The following CAPN15 variants were observed in gnomAD, a reference collection of about 807,000 sequenced individuals.
CAPN15 encodes the protein calpain 15.
In CAPN15, 53 loss-of-function variants were observed where a neutral mutation model predicts 97.9. The observed-to-expected ratio is 0.54, with a 90% CI of 0.43 to 0.68. CAPN15 has a LOEUF of 0.68. CAPN15 is among the 30% of genes least tolerant of loss of function. The pLI, the probability that CAPN15 is intolerant of heterozygous loss-of-function variation, is 0.00. For missense variants in CAPN15, 1,592 were observed against 1,589.8 expected (o/e 1.00, Z -0.02); for synonymous variants, 922 against 722.5 (o/e 1.28, Z -4.43).
intron 3 of CAPN15, chr16:540,184 G>A (rs1450162535): frequency 5.1e-6 from 5 of 985,346 alleles, no homozygotes; most frequent in Non-Finnish European, 6.0e-6. Context: ...CGCCGGCCGG[G>A]GGGCCATGGG....
At position 549,828 on chromosome 16, in the gene CAPN15, A is replaced by G; in HGVS notation, c.2056A>G (p.Lys686Glu). 3 of 1,580,308 alleles carry G rather than the reference A, an allele frequency of 1.9e-6. No homozygotes were observed. The highest frequency in any genetic ancestry group is 2.6e-6 in the Non-Finnish European group (3 of 1,162,542). The stretch of plus-strand genomic sequence containing the variant: ...CATCTGGGCCAAAATGCTGAGTTCT[A>G]AGGAGGCTGGGTAAGAGGAGGGGCA... ...DLIWAKMLSS[K>E]EAGFLMGASC... Residue 686 changes from lysine (K) to glutamate (E), a missense_variant, in exon 7 of 14, where the codon AAG (lysine) becomes GAG (glutamate). Physicochemically the swap from Lys to Glu is moderately conservative, Grantham distance 56. Around this residue, in one of 3 missense-constraint regions of CAPN15, gnomAD observed 644 missense variants for 699.6 expected, o/e 0.92. Transcript: ENST00000219611.
intron 4 of CAPN15, 69 bp from the exon 5 acceptor site, chr16:548,924 G>C: frequency 1.4e-6 from 2 of 1,444,668 alleles, no homozygotes; most frequent in Non-Finnish European, 1.9e-6. Context: ...TCCTGGGTGG[G>C]GTCTTGTCCC....
chr16:534,176 T>A (rs1237051795), intron 2 of CAPN15, among the ~76,000 whole-genome samples, 178 bp downstream of exon 2: 1 of 29,656 alleles, frequency 3.4e-5, no homozygotes, highest in Non-Finnish European at 5.0e-5. Flanking sequence ...CTCCCAGCCG[T>A]TTGGGCCGTG....
rs531252167 is a variant in CAPN15, at chr16:552,144, G to C, written c.2439G>C (p.Val813=). Residue 813 remains valine (V), a synonymous_variant, in exon 10 of 14, where the codon GTG becomes GTC. Coordinates refer to ENST00000219611, the MANE Select transcript of CAPN15 (RefSeq NM_005632.3). The surrounding 1 kb of genome is among the most constrained non-coding windows in gnomAD (Gnocchi z 6.4). ...GCFPSSASAP[V]GVTALTVLER... is the part of the protein sequence containing the mutation. ...TTCCCAGCTCGGCCAGCGCGCCCGT[G>C]GGGGTAACAGCGCTCACGGTGCTGG... 7.1e-6 allele frequency: 11 copies of C among 1,547,178 alleles called. No homozygotes were observed. Among genetic ancestry groups the C allele is most frequent in the South Asian group, 1.2e-5 (1 of 83,830 alleles).
intron 9 of CAPN15, 64 bp from the exon 10 acceptor site, chr16:551,986 AG>A: frequency 6.7e-7 from 1 of 1,491,924 alleles, no homozygotes; most frequent in South Asian, 1.2e-5. Flanking sequence ...TGGTTGCGGT[AG>A]GCGCTGAGCC....
At chr16:544,914 G>A (rs565140184) in intron 3 of CAPN15, among the ~76,000 whole-genome samples, 18 of 139,230 alleles carry the variant, frequency 1.3e-4, no homozygotes, top group African/African-American at 3.6e-4. Context: ...CTCCCCTCAC[G>A]TCGTCTGCCC....
chr16:546,837 C>T lies in CAPN15; in HGVS notation c.-2C>T, dbSNP rs1218270868. The T allele has an allele frequency of 6.3e-7, 1 of 1,599,652 alleles. No individual in the cohort carries two copies. The highest frequency in any genetic ancestry group is 1.7e-5 in the Admixed American group (1 of 59,318). ...TGCAGCCACACCCACTCGCCCGGGT[C>T]TATGGCCACGGTCGGAGAGTGGTCC... On this transcript the variant is annotated 5_prime_UTR_variant, in exon 4 of 14. Coordinates refer to ENST00000219611, the MANE Select transcript of CAPN15 (RefSeq NM_005632.3).
chr16:542,669 C>T (rs1395626016), intron 3 of CAPN15, among the ~76,000 whole-genome samples: 2 of 152,118 alleles, frequency 1.3e-5, no homozygotes, highest in South Asian at 2.1e-4. Context: ...CTCACTGCAG[C>T]TTCTACTTCC....
chr16:529,986 C>G (rs1041754135), intron 1 of CAPN15, among the ~76,000 whole-genome samples: 5 of 152,226 alleles, frequency 3.3e-5, no homozygotes, highest in Non-Finnish European at 7.3e-5. Context: ...CCCTCTGACC[C>G]CTGGCACAGC....
Position 547,772 on chromosome 16 carries a change from G to T in CAPN15, c.934G>T (p.Ala312Ser). ...ATEGGTSRVE[A>S]GSSTSGSDII... is the part of the protein sequence containing the mutation. ...GGAGGGTGGCACCAGCCGCGTAGAGGCCGGCAGCTCCACCTCGGGCAGTGA... is the reference window on the plus strand; with the variant it reads ...GGAGGGTGGCACCAGCCGCGTAGAGTCCGGCAGCTCCACCTCGGGCAGTGA... Residue 312 changes from alanine (A) to serine (S), a missense_variant, in exon 4 of 14, where the codon GCC becomes TCC. Physicochemically the swap from Ala to Ser is moderately conservative, Grantham distance 99 (BLOSUM62 1). Transcript: ENST00000219611. The T allele has an allele frequency of 6.2e-7, 1 of 1,610,790 alleles. No homozygotes were observed. The highest frequency in any genetic ancestry group is 1.1e-5 in the South Asian group (1 of 90,914).
chr16:549,242 G>GGC, intron 5 of CAPN15, 41 bp downstream of exon 5: 3 of 298,884 alleles, frequency 1.0e-5, no homozygotes, highest in Admixed American at 4.7e-5. Flanking sequence ...GGGTGGGCGG[G>GGC]CGACCGGCCG....
chr16:543,750 C>G (rs1214670989), intron 3 of CAPN15, among the ~76,000 whole-genome samples: 1 of 152,218 alleles, frequency 6.6e-6, no homozygotes, highest in East Asian at 1.9e-4. Context: ...CGTGCATGCA[C>G]AGGCGACCCC....
chr16:531,764 A>T (rs1056409516), intron 1 of CAPN15, among the ~76,000 whole-genome samples: 2 of 151,738 alleles, frequency 1.3e-5, no homozygotes, highest in African/African-American at 4.9e-5. Flanking sequence ...ACGGCTCCCA[A>T]GGCCCCCGTC....
chr16:542,749 G>T (rs1407719304), intron 3 of CAPN15, among the ~76,000 whole-genome samples: 1 of 145,118 alleles, frequency 6.9e-6, no homozygotes. Flanking sequence ...CACCATAGCT[G>T]GTTAATTAGA....
chr16:539,497 C>T (rs553654353), intron 3 of CAPN15: 95 of 152,314 alleles, frequency 6.2e-4, no homozygotes, highest in Non-Finnish European at 1.1e-3. Context: ...CCCTGGACAG[C>T]CTGTGCCTCT....
chr16:551,414 G>A lies in CAPN15; in HGVS notation c.2179G>A (p.Val727Ile). 1 of 1,608,384 alleles carries A rather than the reference G, an allele frequency of 6.2e-7. No individual in the cohort carries two copies. The change falls in exon 8 of 14, where the codon GTC becomes ATC. Residue 727 changes from valine to isoleucine, a missense_variant. Around this residue, in one of 3 missense-constraint regions of CAPN15, gnomAD observed 644 missense variants for 699.6 expected, o/e 0.92. Transcript: ENST00000219611. ...HAYSILDVRD[V>I]QGTRLLRLRN... Reference sequence around the variant, plus strand: ...CTACTCCATCCTGGATGTCCGAGATGTCCAGGGCACCAGGTAGGGCCGGCC... The same window carrying A: ...CTACTCCATCCTGGATGTCCGAGATATCCAGGGCACCAGGTAGGGCCGGCC...
intron 1 of CAPN15, among the ~76,000 whole-genome samples, chr16:533,458 G>A (rs3826233): frequency 0.2 from 30,382 of 152,012 alleles, 4,240 homozygotes; most frequent in African/African-American, 0.39. Flanking sequence ...GCTGGGGTCC[G>A]GGGGAGTCTA....
In CAPN15 at chr16:540,534, G is replaced by T. The variant is rs76806256; in HGVS notation, c.-23+4392G>T. 6.8e-3 allele frequency among the ~76,000 whole-genome samples: 1,042 copies of T among 152,352 alleles called. 15 individuals carry two copies. Among genetic ancestry groups the T allele is most frequent in the African/African-American group, 0.023 (956 of 41,582 alleles). On this transcript the variant is annotated intron_variant, in intron 3 of 13. Transcript: ENST00000219611. ...GGGTGCAGGAGCTGAGCAGGTCTGAGACCCCGGCCTCGGCCTGGCTGGTTG... is the reference window on the plus strand; with the variant it reads ...GGGTGCAGGAGCTGAGCAGGTCTGATACCCCGGCCTCGGCCTGGCTGGTTG...
chr16:537,378 C>CGGGGCCTGGTA (rs2033807237), intron 3 of CAPN15: 3 of 985,458 alleles, frequency 3.0e-6, no homozygotes, highest in Non-Finnish European at 2.4e-6. Flanking sequence ...GAGGAGCAGG[C>CGGGGCCTGGTA]GGGGCCTGGT....
Sources: allele counts gnomAD v4.1 joint callset (sites outside exome capture counted in the v4.1 genomes callset), GRCh38; gene constraint gnomAD v4.1.1; regional missense constraint gnomAD v4.1.1; non-coding constraint Gnocchi (gnomAD v3.1); transcripts MANE v1.5; gene names NCBI Gene and HGNC (gene_info 2026-07-23, HGNC 2026-07-21).